NRXN1: variants seen among roughly 807,000 people sequenced by gnomAD.
The protein encoded by NRXN1 is neurexin 1, also known as neurexin-1.
Under a neutral mutation model 150.9 loss-of-function variants are expected in NRXN1, and 39 were observed. That is an observed-to-expected ratio of 0.26 (90% CI 0.20 to 0.34). NRXN1 has a LOEUF of 0.34. Ranked by LOEUF, NRXN1 falls within the 10% of genes least tolerant of loss-of-function variation. NRXN1 has a pLI of 1.00. For synonymous variants in NRXN1, 924 were observed against 757.0 expected, an observed-to-expected ratio of 1.22 and a Z score of -3.62; for missense variants, 1,815 against 1,949.9, an observed-to-expected ratio of 0.93 and a Z score of 1.30.
chr2:50,762,431 T>C (rs941471902), intron 5 of NRXN1, among the ~76,000 whole-genome samples: 1 of 151,916 alleles, frequency 6.6e-6, no homozygotes, highest in Admixed American at 6.6e-5. Flanking sequence ...TGATTGATCC[T>C]GTCACTCAGG....
chr2:49,926,365 A>C (rs992567781), intron 22 of NRXN1: 1 of 398,454 alleles, frequency 2.5e-6, no homozygotes, highest in South Asian at 1.3e-4. Flanking sequence ...GGTCTCTAGA[A>C]GTTTTCCACA....
intron 21 of NRXN1, among the ~76,000 whole-genome samples, chr2:50,044,319 T>C (rs1047268683): frequency 4.6e-5 from 7 of 152,108 alleles, no homozygotes; most frequent in African/African-American, 1.7e-4. Flanking sequence ...CCTGCTGAAG[T>C]AGAAAAGTCC....
intron 5 of NRXN1, among the ~76,000 whole-genome samples, chr2:50,764,312 A>C (rs1465886433): frequency 6.6e-6 from 1 of 151,990 alleles, no homozygotes; most frequent in East Asian, 1.9e-4. Context: ...TTCCAAGTTG[A>C]ACAAATGACA....
chr2:50,842,932 C>G (rs56109000), intron 5 of NRXN1, among the ~76,000 whole-genome samples: 27,842 of 152,066 alleles, frequency 0.18, 2,664 homozygotes, highest in Middle Eastern at 0.22. Context: ...AGTATACAAA[C>G]GTACTGTTAA....
chr2:50,852,674 ACTAC>A (rs1460859300), intron 5 of NRXN1, among the ~76,000 whole-genome samples: 2 of 152,150 alleles, frequency 1.3e-5, no homozygotes, highest in Non-Finnish European at 2.9e-5. Context: ...ATATATACAC[ACTAC>A]CTGTGTCAGT....
At chr2:49,932,190 A>G (rs375818195) in intron 22 of NRXN1, among the ~76,000 whole-genome samples, 1 of 152,104 alleles carries the variant, frequency 6.6e-6, no homozygotes, top group African/African-American at 2.4e-5. Context: ...CTGAGAGAGG[A>G]GTATTGCTTG....
At chr2:50,582,295 G>A (rs1464648044) in intron 8 of NRXN1, among the ~76,000 whole-genome samples, 1 of 151,778 alleles carries the variant, frequency 6.6e-6, no homozygotes, top group Non-Finnish European at 1.5e-5. Context: ...TTTGAGAGGT[G>A]GAGGACTGCT....
chr2:50,367,675 T>G (rs1015422178), intron 17 of NRXN1, among the ~76,000 whole-genome samples: 1 of 151,998 alleles, frequency 6.6e-6, no homozygotes, highest in Non-Finnish European at 1.5e-5. Context: ...CATGCAGAAA[T>G]GGCCCTGCAA....
chr2:50,249,142 G>A (rs1034765664), intron 17 of NRXN1, among the ~76,000 whole-genome samples: 1 of 144,408 alleles, frequency 6.9e-6, no homozygotes, highest in Non-Finnish European at 1.5e-5. Context: ...GGACAACAAA[G>A]TGAGACCCTT....
At chr2:50,930,405 G>A (rs902238997) in intron 2 of NRXN1, among the ~76,000 whole-genome samples, 2 of 139,420 alleles carry the variant, frequency 1.4e-5, no homozygotes, top group African/African-American at 5.0e-5. Flanking sequence ...AAGGGGGCAG[G>A]AGGAAGGAAA....
At chr2:50,278,980 T>C (rs2152930571) in intron 17 of NRXN1, among the ~76,000 whole-genome samples, 1 of 152,344 alleles carries the variant, frequency 6.6e-6, no homozygotes, top group Admixed American at 6.5e-5. Context: ...TATATCACAA[T>C]CCACTCATTT....
chr2:50,234,512 C>T (rs1195422760), intron 18 of NRXN1, among the ~76,000 whole-genome samples: 3 of 152,010 alleles, frequency 2.0e-5, no homozygotes, highest in Non-Finnish European at 4.4e-5. Context: ...ACAACAACAA[C>T]AACAACATGG....
intron 12 of NRXN1, among the ~76,000 whole-genome samples, chr2:50,511,904 T>C (rs570562440): frequency 6.6e-6 from 1 of 152,268 alleles, no homozygotes; most frequent in South Asian, 2.1e-4. Context: ...CTTTAAATAT[T>C]AGTCTCAGAA....
chr2:50,975,719 T>C (rs546514156), intron 2 of NRXN1, among the ~76,000 whole-genome samples: 2 of 152,236 alleles, frequency 1.3e-5, no homozygotes, highest in South Asian at 4.1e-4. Context: ...TCCGGATTCC[T>C]TGAATTCACA....
Position 50,160,685 on chromosome 2 carries a change from A to C in NRXN1, c.3547-69191T>G, listed in dbSNP as rs865942450. Among the ~76,000 whole-genome samples, 4 of 152,150 alleles carry C rather than the reference A, an allele frequency of 2.6e-5. No homozygotes were observed. The South Asian group carries it at 8.3e-4, about 32-fold the overall frequency. On this transcript the variant is annotated intron_variant, in intron 18 of 22. Coordinates refer to ENST00000401669, the MANE Select transcript of NRXN1 (RefSeq NM_001330078.2). ...AAAAAAAGACTCAAGTGGATTAAGG[A>C]CTTCCCAAAGTATTCTTAGTGGTGC...
intron 17 of NRXN1, among the ~76,000 whole-genome samples, chr2:50,327,247 A>C (rs1324756399): frequency 1.3e-5 from 2 of 152,236 alleles, no homozygotes; most frequent in Admixed American, 1.3e-4. Flanking sequence ...AACATGGATA[A>C]ATTTCAAAAA....
At chr2:50,376,367 G>GAA (rs775121470) in intron 17 of NRXN1, among the ~76,000 whole-genome samples, 74 of 103,700 alleles carry the variant, frequency 7.1e-4, no homozygotes, top group African/African-American at 2.3e-3. Context: ...GAAGCAAAAT[G>GAA]AAAAAAAAAA....
chr2:50,539,633 T>C (rs560244875), intron 9 of NRXN1, among the ~76,000 whole-genome samples: 1 of 152,300 alleles, frequency 6.6e-6, no homozygotes, highest in South Asian at 2.1e-4. Context: ...TTTGTACAAA[T>C]GCAACCATGA....
At chr2:49,967,253 G>T (rs140912645) in intron 21 of NRXN1, among the ~76,000 whole-genome samples, 89 of 152,046 alleles carry the variant, frequency 5.9e-4, no homozygotes, top group Admixed American at 2.3e-3. Context: ...TGAACAAAAA[G>T]AACTCTCTAA....
Sources: gnomAD v4.1 joint callset for allele counts (sites outside exome capture counted in the v4.1 genomes callset) on GRCh38, gnomAD v4.1.1 for gene constraint, MANE v1.5 for transcripts, NCBI Gene and HGNC (gene_info 2026-07-23, HGNC 2026-07-21) for gene names.